Variants in ZFHX3 observed in about 807,000 individuals in gnomAD.
ZFHX3 encodes zinc finger homeobox protein 3.
In ZFHX3, 42 loss-of-function variants were observed where a neutral mutation model predicts 279.1. That is an observed-to-expected ratio of 0.15 (90% CI 0.12 to 0.19). The LOEUF (loss-of-function observed/expected upper bound fraction) is 0.19, where lower values mean the gene tolerates loss of function less well. Ranked by LOEUF, ZFHX3 falls within the 10% of genes least tolerant of loss-of-function variation. The pLI is 1.00. For missense variants in ZFHX3, 4,981 were observed against 4,754.0 expected (o/e 1.05, Z -1.40); for synonymous variants, 2,293 against 1,957.8 (o/e 1.17, Z -4.52).
rs1478003914 is a variant in ZFHX3 at position 73,090,910 on chromosome 16, T to C, written c.-533+2325A>G. 6.0e-4 allele frequency among the ~76,000 whole-genome samples: 17 copies of C among 28,368 alleles called. No individual in the cohort carries two copies. In the African/African-American group the frequency reaches 6.9e-3, roughly 11 times the overall value. 18.6% of individuals were successfully genotyped at this position (28,368 alleles called of 152,430 possible). On this transcript the variant is annotated intron_variant, in intron 8 of 17. Coordinates refer to the ZFHX3 transcript ENST00000641206. ...TGGGAGACAGAGTAAGATCCCATATTGAAAAAAAAAAAAAAAAAAGGCAAG... is the reference window on the plus strand; with the variant it reads ...TGGGAGACAGAGTAAGATCCCATATCGAAAAAAAAAAAAAAAAAAGGCAAG...
In ZFHX3 at chr16:73,406,492, C is replaced by T. The variant is rs117199910; in HGVS notation, c.-1291+49511G>A. 4.4e-3 allele frequency among the ~76,000 whole-genome samples: 676 copies of T among 152,322 alleles called. 1 individual carries two copies. Among genetic ancestry groups the T allele is most frequent in the Non-Finnish European group, 7.0e-3 (473 of 68,014 alleles). On this transcript the variant is annotated intron_variant, in intron 3 of 17. Transcript: ENST00000641206. ...TATTTGATACTTAGTAAGTTTCATC[C>T]TAAAGACATACCCATTTTGGCAGAT...
chr16:73,300,585 C>T (rs2015030647), intron 4 of ZFHX3, among the ~76,000 whole-genome samples: 1 of 152,090 alleles, frequency 6.6e-6, no homozygotes, highest in African/African-American at 2.4e-5. Context: ...CTTATTGCAA[C>T]CTCTGCTCCC....
intron 2 of ZFHX3, among the ~76,000 whole-genome samples, chr16:73,567,569 A>G (rs1241560498): frequency 6.6e-6 from 1 of 152,184 alleles, no homozygotes; most frequent in Non-Finnish European, 1.5e-5. Flanking sequence ...CCATGGAACC[A>G]ATGTCCAGCG....
intron 2 of ZFHX3, among the ~76,000 whole-genome samples, chr16:73,630,629 T>C (rs2052459790): frequency 6.6e-6 from 1 of 152,194 alleles, no homozygotes; most frequent in Admixed American, 6.5e-5. Flanking sequence ...ATTAATGATA[T>C]TTTAAAGTTG....
intron 1 of ZFHX3, among the ~76,000 whole-genome samples, chr16:73,774,753 T>A (rs1436047097): frequency 6.6e-6 from 1 of 152,184 alleles, no homozygotes; most frequent in Non-Finnish European, 1.5e-5. Flanking sequence ...GTGGTTTTCT[T>A]AATGGGAGTG....
rs534081063 is a variant in ZFHX3, at chr16:73,736,797, T to C, written c.-1607-56557A>G. 9.8e-5 allele frequency among the ~76,000 whole-genome samples: 15 copies of C among 152,338 alleles called. No homozygotes were observed. The South Asian group carries it at 2.5e-3, about 25-fold the overall frequency. ...GCATTCTGGCACAATGGGAAGACAG[T>C]TGGCCATCTTTAGCAGGCACCAACC... On this transcript the variant is annotated intron_variant, in intron 1 of 17. Transcript: ENST00000641206.
chr16:73,704,771 G>C (rs1007330870), intron 1 of ZFHX3, among the ~76,000 whole-genome samples: 1 of 152,194 alleles, frequency 6.6e-6, no homozygotes, highest in African/African-American at 2.4e-5. Context: ...TTGTGATCAA[G>C]CCAGTTACCA....
intron 5 of ZFHX3, among the ~76,000 whole-genome samples, chr16:73,244,203 G>A (rs2013212740): frequency 6.6e-6 from 1 of 152,286 alleles, no homozygotes; most frequent in Admixed American, 6.5e-5. Context: ...ATATTTTTGA[G>A]TGGCAGATGA....
chr16:72,927,070 T>C (rs1472929048), intron 3 of ZFHX3, among the ~76,000 whole-genome samples: 1 of 152,228 alleles, frequency 6.6e-6, no homozygotes, highest in Admixed American at 6.5e-5. Context: ...AAAATCTATT[T>C]CCATATTTCT....
chr16:72,980,352 GATGCGCTATGTAGTTTCGT>G lies in ZFHX3; in HGVS notation c.-49-20177_-49-20159del, dbSNP rs1962535699. On this transcript the variant is annotated intron_variant, in intron 1 of 9. Coordinates refer to ENST00000268489, the MANE Select transcript of ZFHX3 (RefSeq NM_006885.4). ...GGACCTAAGAACCAAACAACAGCTA[GATGCGCTATGTAGTTTCGT>G]ATGGATGCCAGTTCTAACCAGCCAA... Among the ~76,000 whole-genome samples the G allele has an allele frequency of 5.9e-5, 9 of 152,292 alleles. No homozygotes were observed. In the South Asian group the frequency reaches 1.9e-3, roughly 32 times the overall value.
intron 2 of ZFHX3, among the ~76,000 whole-genome samples, chr16:73,473,890 G>C (rs552471877): frequency 1.5e-4 from 23 of 152,206 alleles, no homozygotes; most frequent in Admixed American, 7.8e-4. Flanking sequence ...TTTAAACAGA[G>C]CACTCCGTTG....
chr16:73,551,202 T>C (rs1053394997), intron 2 of ZFHX3, among the ~76,000 whole-genome samples: 7 of 152,192 alleles, frequency 4.6e-5, no homozygotes, highest in African/African-American at 1.7e-4. Flanking sequence ...TCTGAATTCC[T>C]CTTGAGAATT....
At chr16:73,438,842 G>C (rs1289571859) in intron 3 of ZFHX3, among the ~76,000 whole-genome samples, 1 of 152,192 alleles carries the variant, frequency 6.6e-6, no homozygotes, top group Non-Finnish European at 1.5e-5. Flanking sequence ...CCTAGAGAGT[G>C]ACAGTGTTTT....
At chr16:73,175,087 A>G (rs1235334025) in intron 5 of ZFHX3, among the ~76,000 whole-genome samples, 1 of 151,872 alleles carries the variant, frequency 6.6e-6, no homozygotes, top group Non-Finnish European at 1.5e-5. Context: ...TCCCTGCTGA[A>G]AACCCCACTT....
chr16:73,325,922 C>CACAAAA (rs2015676050), intron 3 of ZFHX3, among the ~76,000 whole-genome samples: 1 of 130,726 alleles, frequency 7.6e-6, no homozygotes, highest in African/African-American at 3.0e-5. Flanking sequence ...CACACACACA[C>CACAAAA]ACACAAACAC....
At chr16:72,864,682 A>T (rs1006580915) in intron 4 of ZFHX3, among the ~76,000 whole-genome samples, 1 of 152,216 alleles carries the variant, frequency 6.6e-6, no homozygotes, top group African/African-American at 2.4e-5. Context: ...CTGCATGGCC[A>T]CCCATGTTAT....
At chr16:73,749,875 G>T (rs2053744960) in intron 1 of ZFHX3, among the ~76,000 whole-genome samples, 1 of 152,120 alleles carries the variant, frequency 6.6e-6, no homozygotes, top group Non-Finnish European at 1.5e-5. Flanking sequence ...AAAGAAGACT[G>T]GATTACTCAA....
chr16:73,201,495 C>A (rs1342190034), intron 5 of ZFHX3, among the ~76,000 whole-genome samples: 1 of 152,198 alleles, frequency 6.6e-6, no homozygotes, highest in African/African-American at 2.4e-5. Context: ...TTAATTAGGA[C>A]AATTTTATCT....
chr16:73,837,691 G>A (rs1400069227), intron 1 of ZFHX3, among the ~76,000 whole-genome samples: 1 of 152,008 alleles, frequency 6.6e-6, no homozygotes, highest in Non-Finnish European at 1.5e-5. Flanking sequence ...CAGGCTAGAG[G>A]GCAATGGCGC....
Sources: gnomAD v4.1 joint callset for allele counts (sites outside exome capture counted in the v4.1 genomes callset) on GRCh38, gnomAD v4.1.1 for gene constraint, MANE v1.5 for transcripts, NCBI Gene and HGNC (gene_info 2026-07-23, HGNC 2026-07-21) for gene names.